The following HIF1A variants were observed in gnomAD, a reference collection of about 807,000 sequenced individuals.
HIF1A encodes the protein hypoxia inducible factor 1 subunit alpha, also known as hypoxia-inducible factor 1-alpha.
HIF1A carries 24 observed loss-of-function variants against 92.7 expected under a neutral mutation model. That is an observed-to-expected ratio of 0.26 (90% CI 0.19 to 0.36). The LOEUF (loss-of-function observed/expected upper bound fraction) is 0.36, where lower values mean the gene tolerates loss of function less well. HIF1A is among the 10% of genes least tolerant of loss of function. The probability of loss-of-function intolerance (pLI) is 1.00; values close to 1 mark genes in which losing one functional copy is unlikely to be tolerated. For missense variants in HIF1A, 799 were observed against 998.5 expected, an observed-to-expected ratio of 0.80 and a Z score of 2.69; for synonymous variants, 319 against 338.7, an observed-to-expected ratio of 0.94 and a Z score of 0.64.
chr14:61,702,249 G>C (rs1260100341), intron 1 of HIF1A, among the ~76,000 whole-genome samples: 1 of 119,664 alleles, frequency 8.4e-6, no homozygotes, highest in Admixed American at 1.0e-4. Flanking sequence ...CCAACTTGGA[G>C]AAACCCCGTC....
chr14:61,721,960 T>C (rs2044436030), intron 4 of HIF1A, 137 bp downstream of exon 4: 4 of 596,910 alleles, frequency 6.7e-6, no homozygotes, highest in South Asian at 2.5e-5. Context: ...GTCTATTCTT[T>C]GTTAAAACTA....
chr14:61,743,582 T>G (rs571579444), intron 12 of HIF1A, among the ~76,000 whole-genome samples: 1 of 152,282 alleles, frequency 6.6e-6, no homozygotes, highest in African/African-American at 2.4e-5. Flanking sequence ...AATAGAAGTT[T>G]TAGAGAAATT....
chr14:61,744,837 C>G, intron 13 of HIF1A, 24 bp downstream of exon 13: 1 of 1,087,614 alleles, frequency 9.2e-7, no homozygotes, highest in Non-Finnish European at 1.4e-6. Flanking sequence ...GTAGGTTTTG[C>G]TTTTCTAGCT....
chr14:61,724,377 C>CTCTCTCTCTCTCTA (rs2044475661), intron 4 of HIF1A, among the ~76,000 whole-genome samples: 1 of 150,624 alleles, frequency 6.6e-6, no homozygotes, highest in Admixed American at 6.6e-5. Flanking sequence ...CTCTCTCTCT[C>CTCTCTCTCTCTCTA]TCTCCCCCTC....
At chr14:61,716,525 T>C (rs964147379) in intron 1 of HIF1A, among the ~76,000 whole-genome samples, 3 of 152,208 alleles carry the variant, frequency 2.0e-5, no homozygotes, top group Non-Finnish European at 4.4e-5. Flanking sequence ...TTTTTACAAT[T>C]AGGAATGCTA....
At chr14:61,720,985 TA>T (rs1171107634) in intron 2 of HIF1A, among the ~76,000 whole-genome samples, 1 of 152,100 alleles carries the variant, frequency 6.6e-6, no homozygotes, top group Non-Finnish European at 1.5e-5. Context: ...CTCACGCCTG[TA>T]ATCCCAGAAC....
intron 1 of HIF1A, chr14:61,699,037 T>G (rs1456066351): frequency 6.6e-6 from 1 of 152,240 alleles, no homozygotes; most frequent in Non-Finnish European, 1.5e-5. Flanking sequence ...GATAAAATAT[T>G]CTCAGTAAAG....
intron 1 of HIF1A, among the ~76,000 whole-genome samples, chr14:61,710,146 A>G (rs2044289686): frequency 6.6e-6 from 1 of 152,196 alleles, no homozygotes; most frequent in Admixed American, 6.5e-5. Context: ...TGCTCTGTTC[A>G]TATAATACTA....
intron 1 of HIF1A, chr14:61,697,857 T>G: frequency 2.0e-6 from 3 of 1,513,036 alleles, no homozygotes; most frequent in Non-Finnish European, 2.6e-6. Context: ...TTAAATGAGC[T>G]CCCAATGTCG....
chr14:61,712,659 C>G (rs1458422540), intron 1 of HIF1A, among the ~76,000 whole-genome samples: 1 of 149,942 alleles, frequency 6.7e-6, no homozygotes, highest in Non-Finnish European at 1.5e-5. Context: ...TTTAATAGTA[C>G]TAACATTGAT....
rs952575915 is a variant in HIF1A at position 61,740,973 on chromosome 14, A to T, written c.1878A>T (p.Thr626=). 2 of 1,614,080 alleles carry T rather than the reference A, an allele frequency of 1.2e-6. No individual in the cohort carries two copies. The highest frequency in any genetic ancestry group is 1.7e-6 in the Non-Finnish European group (2 of 1,179,998). ...TTTATTDELK[T]VTKDRMEDIK... ...CTGCCACCACTGATGAATTAAAAAC[A>T]GTGACAAAAGACCGTATGGAAGACA... The change falls in exon 12 of 15, where the codon ACA becomes ACT. Residue 626 remains threonine, a synonymous_variant. Transcript: ENST00000337138.
Position 61,738,383 on chromosome 14 carries a change from A to G in HIF1A, c.1536+10A>G. 6.4e-7 allele frequency: 1 copy of G among 1,574,718 alleles called. No homozygotes were observed. The highest frequency in any genetic ancestry group is 8.6e-7 in the Non-Finnish European group (1 of 1,161,138). On this transcript the variant is annotated intron_variant, in intron 10 of 14. Transcript: ENST00000337138. ...ACAAAGTTCACCTGAGGTAGGTGTC[A>G]TGATATAATCAGAAAGGGACAACTT...
chr14:61,742,485 C>T (rs1312565839), intron 12 of HIF1A, among the ~76,000 whole-genome samples: 2 of 152,140 alleles, frequency 1.3e-5, no homozygotes, highest in African/African-American at 4.8e-5. Context: ...TACTGTGTCA[C>T]TTACTCACTT....
intron 13 of HIF1A, among the ~76,000 whole-genome samples, chr14:61,745,207 G>T (rs747889867): frequency 9.9e-5 from 15 of 152,156 alleles, no homozygotes; most frequent in Non-Finnish European, 1.9e-4. Flanking sequence ...AGGATCACTT[G>T]AGGTCAGGAG....
chr14:61,713,118 G>T (rs1469662670), intron 1 of HIF1A, among the ~76,000 whole-genome samples: 1 of 152,172 alleles, frequency 6.6e-6, no homozygotes, highest in Non-Finnish European at 1.5e-5. Context: ...AGTAACTGCA[G>T]TGTGGCTGAA....
At chr14:61,732,867 A>G (rs1354186718) in intron 7 of HIF1A, among the ~76,000 whole-genome samples, 1 of 152,238 alleles carries the variant, frequency 6.6e-6, no homozygotes, top group Non-Finnish European at 1.5e-5. Context: ...GTATTTGTAC[A>G]ATCAATGAAT....
At chr14:61,731,059 T>G (rs183194691) in intron 6 of HIF1A, among the ~76,000 whole-genome samples, 2 of 152,320 alleles carry the variant, frequency 1.3e-5, no homozygotes, top group African/African-American at 4.8e-5. Context: ...TATATTTATT[T>G]TGTAATAAAC....
Position 61,744,769 on chromosome 14 carries a change from C to A in HIF1A, c.2158C>A (p.Arg720=), listed in dbSNP as rs1279867612. 1.3e-6 allele frequency: 2 copies of A among 1,596,188 alleles called. No homozygotes were observed. Among genetic ancestry groups the A allele is most frequent in the Non-Finnish European group, 8.6e-7 (1 of 1,168,230 alleles). The change falls in exon 13 of 15, where the codon CGA becomes AGA. Residue 720 remains arginine (R), a synonymous_variant. Transcript: ENST00000337138. ...AGCTTTGCAGAATGCTCAGAGAAAG[C>A]GAAAAATGGAACATGATGGTTCACT... is the stretch of plus-strand genomic sequence containing the variant. ...ILALQNAQRK[R]KMEHDGSLFQ...
chr14:61,695,548 G>T lies in HIF1A; in HGVS notation c.-257G>T. The T allele has an allele frequency of 3.5e-6, 2 of 577,200 alleles. No homozygotes were observed. Among genetic ancestry groups the T allele is most frequent in the South Asian group, 2.1e-5 (1 of 48,172 alleles). The allele number at this position is 577,200 out of a possible 1,614,324, so 35.8% of individuals were successfully genotyped here. A position where few individuals can be genotyped will look rare whatever the true frequency, so the allele number is the denominator to read the frequency against. On this transcript the variant is annotated 5_prime_UTR_variant, in exon 1 of 15. Transcript: ENST00000337138. ...GCTGCCTCGTCTGAGGGGACAGGAG[G>T]ATCACCCTCTTCGTCGCTTCGGCCA...
Sources: allele counts gnomAD v4.1 joint callset (sites outside exome capture counted in the v4.1 genomes callset), GRCh38; gene constraint gnomAD v4.1.1; transcripts MANE v1.5; gene names NCBI Gene and HGNC (gene_info 2026-07-23, HGNC 2026-07-21).